Variants in RYR2 observed in about 807,000 individuals in gnomAD.
The protein encoded by RYR2 is ryanodine receptor 2, also known as cardiac muscle ryanodine receptor-calcium release channel.
In RYR2, 227 loss-of-function variants were observed where a neutral mutation model predicts 601.1. That is an observed-to-expected ratio of 0.38 (90% CI 0.34 to 0.42). The LOEUF is 0.42. Among genes scored for constraint, RYR2 ranks in the 10% least tolerant of loss-of-function variants. The pLI is 1.00. For synonymous variants in RYR2, 2,223 were observed against 2,175.1 expected, an observed-to-expected ratio of 1.02 and a Z score of -0.61; for missense variants, 4,646 against 6,156.5, an observed-to-expected ratio of 0.75 and a Z score of 8.21.
chr1:237,110,714 T>G (rs570029987), intron 1 of RYR2, among the ~76,000 whole-genome samples: 107 of 152,290 alleles, frequency 7.0e-4, no homozygotes, highest in Non-Finnish European at 1.1e-3. Context: ...TCCTCTACTC[T>G]TCTGCGTCAT....
Position 237,496,611 on chromosome 1 carries a change from G to A in RYR2, c.2062G>A (p.Ala688Thr). The A allele has an allele frequency of 6.2e-7, 1 of 1,613,988 alleles. No homozygotes were observed. The highest frequency in any genetic ancestry group is 8.5e-7 in the Non-Finnish European group (1 of 1,179,894). ...GGACCACACAGAGCCCTTTGTGACAGCTGAAGCAACTCACCTGCGAGTGGG... is the reference window on the plus strand; with the variant it reads ...GGACCACACAGAGCCCTTTGTGACAACTGAAGCAACTCACCTGCGAGTGGG... ...MVDHTEPFVT[A>T]EATHLRVGWA... Residue 688 changes from alanine to threonine, a missense_variant, in exon 20 of 105, where the codon GCT becomes ACT. Transcript: ENST00000366574.
chr1:237,384,587 CA>C (rs1224293135), intron 8 of RYR2, among the ~76,000 whole-genome samples: 1 of 152,220 alleles, frequency 6.6e-6, no homozygotes, highest in Non-Finnish European at 1.5e-5. Context: ...TAAAAATCCC[CA>C]AATGGTTTAC....
At chr1:237,711,959 T>C in intron 71 of RYR2, 122 bp downstream of exon 71, 1 of 634,748 alleles carries the variant, frequency 1.6e-6, no homozygotes, top group Non-Finnish European at 2.8e-6. Context: ...GGTAATGTTA[T>C]AAATTGGTTC....
intron 80 of RYR2, among the ~76,000 whole-genome samples, chr1:237,752,596 A>C (rs1573806009): frequency 6.6e-6 from 1 of 152,192 alleles, no homozygotes; most frequent in East Asian, 1.9e-4. Flanking sequence ...AATACAACAG[A>C]AAAAAATAAT....
At chr1:237,773,074 T>A (rs1558383637) in intron 86 of RYR2, among the ~76,000 whole-genome samples, 2 of 152,194 alleles carry the variant, frequency 1.3e-5, no homozygotes, top group Non-Finnish European at 2.9e-5. Flanking sequence ...AAGCCATGGA[T>A]ATCAGCGAGT....
Position 237,784,909 on chromosome 1 carries a change from T to C in RYR2, c.13197T>C (p.Asn4399=). Residue 4399 remains asparagine, a synonymous_variant, in exon 90 of 105, where the codon AAT becomes AAC. Coordinates refer to ENST00000366574, the MANE Select transcript of RYR2 (RefSeq NM_001035.3). The surrounding 1 kb of genome is among the most constrained non-coding windows in gnomAD (Gnocchi z 7.1). Reference sequence around the variant, plus strand: ...ACAAACTGATTCCTCATAATCCAAATGCTGGGCTCAGTGACCTCATGAGCA... The same window carrying C: ...ACAAACTGATTCCTCATAATCCAAACGCTGGGCTCAGTGACCTCATGAGCA... ...GQYKLIPHNP[N]AGLSDLMSNP... is the part of the protein sequence containing the mutation. 6.2e-7 allele frequency: 1 copy of C among 1,611,072 alleles called. No individual in the cohort carries two copies. Among genetic ancestry groups the C allele is most frequent in the Middle Eastern group, 1.7e-4 (1 of 6,056 alleles).
In RYR2 at chr1:237,469,156, C is replaced by T; in HGVS notation, c.1677C>T (p.Ile559=). Reference sequence around the variant, plus strand: ...TTTCTGGCTCCCTCGACTGGTTGATCAGCAGATTGGAAAGACTGGAAGCTT... The same window carrying T: ...TTTCTGGCTCCCTCGACTGGTTGATTAGCAGATTGGAAAGACTGGAAGCTT... ...AQFSGSLDWL[I]SRLERLEASS... Residue 559 remains isoleucine, a synonymous_variant, in exon 17 of 105, where the codon ATC becomes ATT. Coordinates refer to ENST00000366574, the MANE Select transcript of RYR2 (RefSeq NM_001035.3). 3 of 1,608,222 alleles carry T rather than the reference C, an allele frequency of 1.9e-6. No homozygotes were observed. The highest frequency in any genetic ancestry group is 2.5e-6 in the Non-Finnish European group (3 of 1,177,644).
intron 86 of RYR2, 60 bp downstream of exon 86, chr1:237,772,160 C>A: frequency 1.1e-6 from 1 of 913,142 alleles, no homozygotes; most frequent in Non-Finnish European, 1.7e-6. Context: ...AACAATACGG[C>A]AGAGTTTTAA....
At chr1:237,275,025 C>T (rs1187402223) in intron 2 of RYR2, among the ~76,000 whole-genome samples, 4 of 151,536 alleles carry the variant, frequency 2.6e-5, no homozygotes, top group African/African-American at 9.7e-5. Context: ...GCATGTGTCC[C>T]CATCATTAAG....
At position 237,127,790 on chromosome 1, in the gene RYR2, G is replaced by A. The variant is rs576721866; in HGVS notation, c.48+85221G>A. 3.9e-3 allele frequency among the ~76,000 whole-genome samples: 586 copies of A among 151,544 alleles called. 3 individuals carry two copies. Among genetic ancestry groups the A allele is most frequent in the African/African-American group, 0.014 (564 of 41,242 alleles). On this transcript the variant is annotated intron_variant, in intron 1 of 104. Transcript: ENST00000366574. ...GCTCCTCACATCCCAGACAATGGGC[G>A]GCCGGGCAGAGACGCTCCTCACTTC...
intron 1 of RYR2, among the ~76,000 whole-genome samples, chr1:237,221,423 A>G (rs184791687): frequency 2.0e-5 from 3 of 152,324 alleles, no homozygotes; most frequent in East Asian, 3.9e-4. Flanking sequence ...ATTAGAAATA[A>G]TGATTTATTT....
chr1:237,729,113 T>C (rs1690461980), intron 76 of RYR2, among the ~76,000 whole-genome samples: 1 of 152,122 alleles, frequency 6.6e-6, no homozygotes, highest in Admixed American at 6.6e-5. Context: ...CCTTGCCTCA[T>C]ATCAAGTTGA....
chr1:237,425,677 C>A (rs1706080595), intron 12 of RYR2, among the ~76,000 whole-genome samples: 1 of 151,682 alleles, frequency 6.6e-6, no homozygotes, highest in Non-Finnish European at 1.5e-5. Context: ...TTTTCTATGC[C>A]TTAGGTGGAA....
chr1:237,674,975 A>G (rs1204943641), intron 60 of RYR2, 129 bp downstream of exon 60: 2 of 460,438 alleles, frequency 4.3e-6, no homozygotes, highest in Non-Finnish European at 7.8e-6. Context: ...TCATCCTACT[A>G]CTAAGTAGAG....
At chr1:237,058,584 G>A (rs1188432795) in intron 1 of RYR2, among the ~76,000 whole-genome samples, 1 of 152,140 alleles carries the variant, frequency 6.6e-6, no homozygotes, top group Non-Finnish European at 1.5e-5. Flanking sequence ...CATCTCTTTT[G>A]TGTTCTGAAT....
At chr1:237,117,779 T>A (rs537047550) in intron 1 of RYR2, among the ~76,000 whole-genome samples, 19 of 147,944 alleles carry the variant, frequency 1.3e-4, no homozygotes, top group African/African-American at 4.7e-4. Flanking sequence ...AGAGTCTCCC[T>A]CTGTTGCCCA....
intron 1 of RYR2, among the ~76,000 whole-genome samples, chr1:237,226,784 G>A (rs1558458893): frequency 6.6e-6 from 1 of 152,052 alleles, no homozygotes. Flanking sequence ...TTATTTGTTT[G>A]TTTTGAGACA....
At chr1:237,422,595 A>G (rs1364867450) in intron 11 of RYR2, among the ~76,000 whole-genome samples, 4 of 152,308 alleles carry the variant, frequency 2.6e-5, no homozygotes, top group Admixed American at 2.0e-4. Flanking sequence ...TAGTCTAACT[A>G]TAGACTTCAG....
At chr1:237,363,490 T>C (rs536431728) in intron 4 of RYR2, among the ~76,000 whole-genome samples, 154 of 152,242 alleles carry the variant, frequency 1.0e-3, no homozygotes, top group African/African-American at 3.5e-3. Context: ...TGGAAAACTT[T>C]TCCTTGCTGT....
Sources: gnomAD v4.1 joint callset for allele counts (sites outside exome capture counted in the v4.1 genomes callset) on GRCh38, gnomAD v4.1.1 for gene constraint, Gnocchi (gnomAD v3.1) non-coding constraint, MANE v1.5 for transcripts, NCBI Gene and HGNC (gene_info 2026-07-23, HGNC 2026-07-21) for gene names.